MICU1: variants seen among roughly 807,000 people sequenced by gnomAD.
MICU1 encodes mitochondrial calcium uptake 1.
MICU1 carries 45 observed loss-of-function variants against 56.8 expected under a neutral mutation model. That is an observed-to-expected ratio of 0.79 (90% CI 0.62 to 1.02). MICU1 has a LOEUF of 1.02. MICU1 is among the 50% of genes least tolerant of loss of function. MICU1 has a pLI of 0.00. For synonymous variants in MICU1, 186 were observed against 195.1 expected (o/e 0.95, Z 0.39); for missense variants, 504 against 587.1 (o/e 0.86, Z 1.46).
At chr10:72,462,052 G>C (rs1248532918) in intron 8 of MICU1, among the ~76,000 whole-genome samples, 2 of 152,042 alleles carry the variant, frequency 1.3e-5, no homozygotes, top group Non-Finnish European at 2.9e-5. Flanking sequence ...AAGTTATTTA[G>C]CCTCTTATTG....
At chr10:72,474,503 C>T (rs1297997228) in intron 8 of MICU1, among the ~76,000 whole-genome samples, 1 of 152,004 alleles carries the variant, frequency 6.6e-6, no homozygotes, top group African/African-American at 2.4e-5. Context: ...AGTAAGATAC[C>T]TTTGCAACTC....
chr10:72,374,935 C>A (rs760356835), intron 11 of MICU1, among the ~76,000 whole-genome samples: 22 of 149,788 alleles, frequency 1.5e-4, no homozygotes, highest in African/African-American at 2.2e-4. Flanking sequence ...CTCAGCCTCT[C>A]GAGTAGCTGG....
In MICU1 at chr10:72,509,414, T is replaced by A. The variant is rs537069718; in HGVS notation, c.538-1145A>T. The A allele has an allele frequency of 2.3e-6, 3 of 1,330,238 alleles. No individual in the cohort carries two copies. The East Asian group carries it at 1.4e-4, about 63-fold the overall frequency. 82.4% of individuals were successfully genotyped at this position (1,330,238 alleles called of 1,614,324 possible). A position where few individuals can be genotyped will look rare whatever the true frequency, so the allele number is the denominator to read the frequency against. ...ATGGGTTACCTCTGTCTAGTGGAGA[T>A]CCCATCATAAACCACAAAGGAAAGA... On this transcript the variant is annotated intron_variant, in intron 5 of 11. Transcript: ENST00000361114.
chr10:72,543,254 G>T (rs1436773821), intron 4 of MICU1, among the ~76,000 whole-genome samples: 1 of 152,118 alleles, frequency 6.6e-6, no homozygotes, highest in Non-Finnish European at 1.5e-5. Context: ...CTTTACTGAA[G>T]GAACTTATCT....
At chr10:72,414,350 T>C (rs1863916624) in intron 9 of MICU1, among the ~76,000 whole-genome samples, 1 of 152,172 alleles carries the variant, frequency 6.6e-6, no homozygotes, top group Non-Finnish European at 1.5e-5. Context: ...TAAAATACTA[T>C]TTACTCTTCT....
chr10:72,412,031 A>G (rs1366854243), intron 9 of MICU1, among the ~76,000 whole-genome samples: 1 of 152,224 alleles, frequency 6.6e-6, no homozygotes, highest in Non-Finnish European at 1.5e-5. Context: ...TATGCCAAGA[A>G]CAGTGAGGGA....
chr10:72,405,142 C>T (rs1863585121), intron 10 of MICU1, among the ~76,000 whole-genome samples: 1 of 152,150 alleles, frequency 6.6e-6, no homozygotes, highest in Non-Finnish European at 1.5e-5. Flanking sequence ...CTCCTGATCT[C>T]AGGTGATCTG....
At chr10:72,585,955 G>A (rs1056115415) in intron 1 of MICU1, among the ~76,000 whole-genome samples, 43 of 128,948 alleles carry the variant, frequency 3.3e-4, no homozygotes, top group African/African-American at 1.2e-3. Context: ...ATTATACATT[G>A]TATTTTTAAT....
intron 8 of MICU1, among the ~76,000 whole-genome samples, chr10:72,454,116 G>A (rs551903188): frequency 1.2e-4 from 18 of 152,206 alleles, no homozygotes; most frequent in South Asian, 2.1e-4. Flanking sequence ...ACAGGCGTGA[G>A]CTACCCCGCC....
chr10:72,484,402 A>T (rs770218218), intron 6 of MICU1, among the ~76,000 whole-genome samples: 2 of 150,718 alleles, frequency 1.3e-5, no homozygotes, highest in African/African-American at 2.5e-5. Context: ...AATGATGAAT[A>T]CCAAGGACAA....
chr10:72,386,822 T>C (rs1862908883), intron 10 of MICU1, among the ~76,000 whole-genome samples: 1 of 152,142 alleles, frequency 6.6e-6, no homozygotes, highest in Non-Finnish European at 1.5e-5. Flanking sequence ...TACAAGGTTG[T>C]GCCACTGTCC....
intron 9 of MICU1, among the ~76,000 whole-genome samples, chr10:72,408,394 C>T (rs1209899212): frequency 6.6e-6 from 1 of 152,112 alleles, no homozygotes; most frequent in African/African-American, 2.4e-5. Flanking sequence ...CTGCAACCTC[C>T]GCCTCCTACG....
intron 5 of MICU1, among the ~76,000 whole-genome samples, chr10:72,521,380 C>T (rs1867816382): frequency 6.6e-6 from 1 of 151,976 alleles, no homozygotes; most frequent in South Asian, 2.1e-4. Context: ...TTAAAGACAA[C>T]ATTAAAGACC....
At chr10:72,541,295 G>T (rs1018981437) in intron 4 of MICU1, among the ~76,000 whole-genome samples, 3 of 152,210 alleles carry the variant, frequency 2.0e-5, no homozygotes, top group Non-Finnish European at 4.4e-5. Context: ...TTAGGATTAT[G>T]GAAGAGGCCT....
At chr10:72,501,479 T>C (rs1867066348) in intron 6 of MICU1, among the ~76,000 whole-genome samples, 1 of 152,098 alleles carries the variant, frequency 6.6e-6, no homozygotes, top group South Asian at 2.1e-4. Flanking sequence ...GTTATATTCT[T>C]GCTCTGTTAC....
At chr10:72,374,808 CTTTTTTTTT>C (rs34228174) in intron 11 of MICU1, among the ~76,000 whole-genome samples, 6 of 77,206 alleles carry the variant, frequency 7.8e-5, no homozygotes, top group African/African-American at 2.6e-4. Context: ...CTACTATTAT[CTTTTTTTTT>C]TTTTTTTTTT....
chr10:72,622,015 G>A (rs1842115748), intron 1 of MICU1, among the ~76,000 whole-genome samples: 1 of 152,062 alleles, frequency 6.6e-6, no homozygotes, highest in African/African-American at 2.4e-5. Flanking sequence ...CCAGGTTCAC[G>A]CCATTCTCCT....
At chr10:72,488,634 AT>A (rs961065605) in intron 6 of MICU1, among the ~76,000 whole-genome samples, 22 of 151,048 alleles carry the variant, frequency 1.5e-4, no homozygotes, top group East Asian at 7.8e-4. Flanking sequence ...TATGTAACAG[AT>A]TTTTTTTTTC....
intron 1 of MICU1, among the ~76,000 whole-genome samples, chr10:72,601,428 TAAAAAAA>T (rs77385847): frequency 5.5e-5 from 5 of 91,020 alleles, no homozygotes; most frequent in Non-Finnish European, 1.1e-4. Flanking sequence ...ACCCTGTCTT[TAAAAAAA>T]AAAAAAAAAA....
Sources: allele counts gnomAD v4.1 joint callset (sites outside exome capture counted in the v4.1 genomes callset), GRCh38; gene constraint gnomAD v4.1.1; transcripts MANE v1.5; gene names NCBI Gene and HGNC (gene_info 2026-07-23, HGNC 2026-07-21).